The following CDCP1 variants were observed in gnomAD, a reference collection of about 807,000 sequenced individuals.
CDCP1 encodes the protein CUB domain-containing protein 1.
A neutral mutation model predicts 60.2 loss-of-function variants in CDCP1; 29 were observed. The ratio of observed to expected loss-of-function variants is 0.48; its 90% CI spans 0.36 to 0.66. CDCP1 has a LOEUF of 0.66. CDCP1 is among the 30% of genes least tolerant of loss of function. CDCP1 has a pLI of 0.00. For missense variants in CDCP1, 876 were observed against 1,074.3 expected, an observed-to-expected ratio of 0.82 and a Z score of 2.58; for synonymous variants, 387 against 431.1, an observed-to-expected ratio of 0.90 and a Z score of 1.27.
chr3:45,090,105 T>C (rs1254598673), intron 7 of CDCP1, among the ~76,000 whole-genome samples: 1 of 151,928 alleles, frequency 6.6e-6, no homozygotes, highest in Non-Finnish European at 1.5e-5. Context: ...AATCTATGAG[T>C]GTGGAGAGGT....
At chr3:45,089,323 T>C (rs1006900871) in intron 7 of CDCP1, among the ~76,000 whole-genome samples, 182 bp from the exon 8 acceptor site, 2 of 152,222 alleles carry the variant, frequency 1.3e-5, no homozygotes, top group African/African-American at 4.8e-5. Context: ...CTCTTGGATC[T>C]GGGTCAGCCA....
chr3:45,128,460 AC>A (rs771547054), intron 1 of CDCP1, among the ~76,000 whole-genome samples: 5 of 152,180 alleles, frequency 3.3e-5, no homozygotes, highest in Admixed American at 1.3e-4. Flanking sequence ...TCAGGGTCCC[AC>A]CCCCTCAGTG....
intron 1 of CDCP1, among the ~76,000 whole-genome samples, chr3:45,134,805 G>A (rs1327355774): frequency 6.6e-6 from 1 of 152,128 alleles, no homozygotes; most frequent in Non-Finnish European, 1.5e-5. Context: ...CCAGACACAT[G>A]CCTTCCTCAC....
At chr3:45,110,948 A>C (rs889695807) in intron 3 of CDCP1, 107 bp from the exon 4 acceptor site, 154 of 1,281,268 alleles carry the variant, frequency 1.2e-4, no homozygotes, top group Non-Finnish European at 1.6e-4. Context: ...TGCAGTTCTC[A>C]GATCCTGAGC....
At chr3:45,143,420 G>A (rs372774324) in intron 1 of CDCP1, among the ~76,000 whole-genome samples, 1 of 152,104 alleles carries the variant, frequency 6.6e-6, no homozygotes, top group Non-Finnish European at 1.5e-5. Context: ...GCTGGCTATT[G>A]TTGGACGTGT....
chr3:45,124,312 G>C (rs1295235388), intron 1 of CDCP1, among the ~76,000 whole-genome samples: 2 of 152,168 alleles, frequency 1.3e-5, no homozygotes, highest in Non-Finnish European at 2.9e-5. Flanking sequence ...CAAAATAACT[G>C]GCAACCCGTC....
In CDCP1 at chr3:45,112,301, A is replaced by G; in HGVS notation, c.437T>C (p.Leu146Pro). ...GLELQFSIPR[L>P]RQIGPGESCP... ...GCTCTCACCCGGACCGATCTGCCTC[A>G]GGCGAGGGATGGAAAACTGCAGCTC... Residue 146 changes from leucine (L) to proline (P), a missense_variant, in exon 3 of 9, where the codon CTG becomes CCG. Leu to Pro is a moderately conservative substitution (Grantham distance 98, BLOSUM62 -3). This residue lies in a region of CDCP1 where 726 missense variants were observed against 935.7 expected (regional missense o/e 0.78). Transcript: ENST00000296129. 1 of 1,614,220 alleles carries G rather than the reference A, an allele frequency of 6.2e-7. No homozygotes were observed. Among genetic ancestry groups the G allele is most frequent in the Non-Finnish European group, 8.5e-7 (1 of 1,180,042 alleles).
At position 45,091,553 on chromosome 3, in the gene CDCP1, G is replaced by A; in HGVS notation, c.1628-15C>T. On this transcript the variant is annotated splice_polypyrimidine_tract_variant and intron_variant, in intron 6 of 8. Coordinates refer to ENST00000296129, the MANE Select transcript of CDCP1 (RefSeq NM_022842.5). This position sits in a 1 kb window ranked among gnomAD's most constrained non-coding sequence, Gnocchi z 4.8. ...AACGCCTTCCTCTGCAGGAAAGGGA[G>A]GGAGATCCAGACAGATGTTTCATTC... is the stretch of plus-strand genomic sequence containing the variant. 2 of 1,583,950 alleles carry A rather than the reference G, an allele frequency of 1.3e-6. No homozygotes were observed. The highest frequency in any genetic ancestry group is 1.7e-6 in the Non-Finnish European group (2 of 1,167,936).
intron 1 of CDCP1, among the ~76,000 whole-genome samples, chr3:45,125,254 G>A (rs530149723): frequency 6.6e-6 from 1 of 152,204 alleles, no homozygotes; most frequent in Admixed American, 6.5e-5. Flanking sequence ...GGTGGGTAGA[G>A]GAGGCTGGAG....
At chr3:45,104,206 A>G (rs1233345959) in intron 4 of CDCP1, among the ~76,000 whole-genome samples, 1 of 152,246 alleles carries the variant, frequency 6.6e-6, no homozygotes, top group Non-Finnish European at 1.5e-5. Context: ...ACAGAAGCCC[A>G]GTTTATTGAT....
At chr3:45,131,857 T>C (rs769907782) in intron 1 of CDCP1, among the ~76,000 whole-genome samples, 28 of 152,194 alleles carry the variant, frequency 1.8e-4, no homozygotes, top group Non-Finnish European at 3.4e-4. Context: ...TTGGTCTCTG[T>C]AGGCCACGCA....
In CDCP1 at chr3:45,091,109, T is replaced by G; in HGVS notation, c.1993+64A>C. ...GATTCTGACTTGTCTCCAGGCTTGC[T>G]CTCTATCCTCCAGCTGACAATTTTT... On this transcript the variant is annotated intron_variant, in intron 7 of 8. Transcript: ENST00000296129. This position sits in a 1 kb window ranked among gnomAD's most constrained non-coding sequence, Gnocchi z 4.8. 1 of 1,542,314 alleles carries G rather than the reference T, an allele frequency of 6.5e-7. No homozygotes were observed. The highest frequency in any genetic ancestry group is 1.2e-5 in the South Asian group (1 of 82,328).
At chr3:45,128,142 A>T (rs17210907) in intron 1 of CDCP1, among the ~76,000 whole-genome samples, 64,787 of 152,100 alleles carry the variant, frequency 0.43, 15,959 homozygotes, top group Non-Finnish European at 0.54. Context: ...GACCCTAGTT[A>T]TCAAGAAAGG....
chr3:45,146,216 C>A lies in CDCP1; in HGVS notation c.72G>T (p.Pro24=). 6.3e-7 allele frequency: 1 copy of A among 1,594,526 alleles called. No individual in the cohort carries two copies. Among genetic ancestry groups the A allele is most frequent in the Non-Finnish European group, 8.5e-7 (1 of 1,172,828 alleles). The stretch of plus-strand genomic sequence containing the variant: ...AAGCCCGGCACTCACCTGCCCCGCG[C>A]GGCAGGCGCGCCGCACCCAGCAGCA... ...GVLLLGAARL[P]RGAEAFEIAL... is the part of the protein sequence containing the mutation. Residue 24 remains proline, a synonymous_variant, in exon 1 of 9, where the codon CCG becomes CCT. Transcript: ENST00000296129.
At chr3:45,142,508 A>G (rs1002536724) in intron 1 of CDCP1, among the ~76,000 whole-genome samples, 7 of 152,206 alleles carry the variant, frequency 4.6e-5, no homozygotes, top group Non-Finnish European at 8.8e-5. Flanking sequence ...TGCTTCTTCC[A>G]TAGATGCTGG....
At chr3:45,095,326 T>A (rs761950471) in intron 5 of CDCP1, 21 bp downstream of exon 5, 1 of 1,606,460 alleles carries the variant, frequency 6.2e-7, no homozygotes, top group South Asian at 1.1e-5. Context: ...CAGGGACAAA[T>A]GCACTGATTC....
At chr3:45,110,353 A>G in intron 4 of CDCP1, 120 bp downstream of exon 4, 1 of 1,467,918 alleles carries the variant, frequency 6.8e-7, no homozygotes, top group East Asian at 2.5e-5. Flanking sequence ...CTGGGTCCAG[A>G]GTCTAAGTGT....
intron 1 of CDCP1, among the ~76,000 whole-genome samples, chr3:45,126,996 G>A (rs1039148085): frequency 6.6e-6 from 1 of 152,196 alleles, no homozygotes. Context: ...ATCAGAGCTA[G>A]CCCCGCCCGA....
chr3:45,131,725 G>A (rs1278938609), intron 1 of CDCP1, among the ~76,000 whole-genome samples: 1 of 152,108 alleles, frequency 6.6e-6, no homozygotes, highest in Admixed American at 6.6e-5. Context: ...CAAAAATGAT[G>A]TCAATGACTA....
Sources: gnomAD v4.1 joint callset for allele counts (sites outside exome capture counted in the v4.1 genomes callset) on GRCh38, gnomAD v4.1.1 for gene constraint, gnomAD v4.1.1 regional missense constraint, Gnocchi (gnomAD v3.1) non-coding constraint, MANE v1.5 for transcripts, NCBI Gene and HGNC (gene_info 2026-07-23, HGNC 2026-07-21) for gene names.